TERT: variants seen among roughly 807,000 people sequenced by gnomAD.
TERT encodes telomerase reverse transcriptase, also known as telomerase catalytic subunit.
In TERT, 42 loss-of-function variants were observed where a neutral mutation model predicts 104.0. That is an observed-to-expected ratio of 0.40 (90% CI 0.32 to 0.52). The LOEUF (loss-of-function observed/expected upper bound fraction) is 0.52. Ranked by LOEUF, TERT falls within the 20% of genes least tolerant of loss-of-function variation. The pLI, the probability that TERT is intolerant of heterozygous loss-of-function variation, is 0.43. For missense variants in TERT, 1,101 were observed against 1,610.3 expected (o/e 0.68, Z 5.41); for synonymous variants, 781 against 725.6 (o/e 1.08, Z -1.23).
chr5:1,254,607 A>G, intron 14 of TERT, 102 bp from the exon 15 acceptor site: 1 of 1,408,738 alleles, frequency 7.1e-7, no homozygotes, highest in Non-Finnish European at 9.6e-7. Flanking sequence ...GGGTGGCTCC[A>G]TCTCTGGCTG....
rs1290994735 is a variant in TERT, at chr5:1,270,528, C to T, written c.2468+591G>A. On this transcript the variant is annotated intron_variant, in intron 8 of 15. Coordinates refer to ENST00000310581, the MANE Select transcript of TERT (RefSeq NM_198253.3). This position sits in a 1 kb window ranked among gnomAD's most constrained non-coding sequence, Gnocchi z 8.3. ...TGTGGCTCTACCACCGTGAGTGTGG[C>T]TCACCCAGTGGCTGTGTGACGGCAG... 5.3e-5 allele frequency among the ~76,000 whole-genome samples: 8 copies of T among 152,210 alleles called. No individual in the cohort carries two copies. The highest frequency in any genetic ancestry group is 1.9e-4 in the African/African-American group (8 of 41,458).
At chr5:1,271,912 A>G (rs1749064332) in intron 7 of TERT, among the ~76,000 whole-genome samples, 1 of 152,228 alleles carries the variant, frequency 6.6e-6, no homozygotes, top group Admixed American at 6.5e-5. Flanking sequence ...GGCAGAGAAG[A>G]CATTTAGCAA....
Position 1,294,544 on chromosome 5 carries a change from G to C in TERT, c.342C>G (p.Ala114=). 6.3e-7 allele frequency: 1 copy of C among 1,578,520 alleles called. No individual in the cohort carries two copies. The highest frequency in any genetic ancestry group is 2.3e-5 in the East Asian group (1 of 43,884). The stretch of plus-strand genomic sequence containing the variant: ...GGTAGCTGCGCACGCTGGTGGTGAA[G>C]GCCTCGGGGGGGCCCCCGCGGGCCC... ...LDGARGGPPE[A]FTTSVRSYLP... The change falls in exon 2 of 16, where the codon GCC becomes GCG. Residue 114 remains alanine, a synonymous_variant. Transcript: ENST00000310581.
chr5:1,282,387 C>T, intron 3 of TERT, 42 bp downstream of exon 3: 1 of 1,606,120 alleles, frequency 6.2e-7, no homozygotes. Context: ...GCTGGTGTTC[C>T]AGGACTTCGA....
In TERT at chr5:1,258,116, G is replaced by C. The variant is rs35689290; in HGVS notation, c.3032+482C>G. Among the ~76,000 whole-genome samples, 1,087 of 152,332 alleles carry C rather than the reference G, an allele frequency of 7.1e-3. 17 individuals are homozygous for C. Among genetic ancestry groups the C allele is most frequent in the African/African-American group, 0.024 (1,012 of 41,570 alleles). The stretch of plus-strand genomic sequence containing the variant: ...GCACAGCCATGCCCAGAGCACAGGT[G>C]CTGGCCGGGCTGTGTGGGGAGCCAC... On this transcript the variant is annotated intron_variant, in intron 13 of 15. Transcript: ENST00000310581.
chr5:1,268,608 G>C lies in TERT; in HGVS notation c.2494C>G (p.Pro832Ala). Residue 832 changes from proline to alanine, a missense_variant, in exon 9 of 16, where the codon CCG becomes GCG. Physicochemically the swap from Pro to Ala is conservative, Grantham distance 27. This residue lies in a region of TERT where 463 missense variants were observed against 797.5 expected (regional missense o/e 0.58). Transcript: ENST00000310581. This position sits in a 1 kb window ranked among gnomAD's most constrained non-coding sequence, Gnocchi z 5.5. ...AGCGTGGAGAGGATGGAGCCCTGCGGGATCCCCTGGCACTGGACGTAGGAC... is the reference window on the plus strand; with the variant it reads ...AGCGTGGAGAGGATGGAGCCCTGCGCGATCCCCTGGCACTGGACGTAGGAC... The part of the protein sequence containing the change: ...GKSYVQCQGI[P>A]QGSILSTLLC... The C allele has an allele frequency of 6.2e-7, 1 of 1,613,108 alleles. No individual in the cohort carries two copies. Among genetic ancestry groups the C allele is most frequent in the Non-Finnish European group, 8.5e-7 (1 of 1,179,880 alleles).
chr5:1,280,582 G>A (rs937048775), intron 3 of TERT, among the ~76,000 whole-genome samples: 38 of 152,164 alleles, frequency 2.5e-4, no homozygotes, highest in African/African-American at 8.9e-4. Flanking sequence ...CAGTCCGGCG[G>A]TCAACCCCCA....
At position 1,281,188 on chromosome 5, in the gene TERT, G is replaced by A. The variant is rs115398795; in HGVS notation, c.1770-850C>T. Among the ~76,000 whole-genome samples, 330 of 152,334 alleles carry A rather than the reference G, an allele frequency of 2.2e-3. 1 individual carries two copies. The highest frequency in any genetic ancestry group is 5.5e-3 in the African/African-American group (229 of 41,570). ...ACTGGTCAAATGACCATGTTGGGTC[G>A]CACACCATTAAATACGTGTAAAGTC... On this transcript the variant is annotated intron_variant, in intron 3 of 15. Coordinates refer to ENST00000310581, the MANE Select transcript of TERT (RefSeq NM_198253.3).
chr5:1,294,579 G>A lies in TERT; in HGVS notation c.307C>T (p.Leu103=). 1 of 1,590,194 alleles carries A rather than the reference G, an allele frequency of 6.3e-7. No homozygotes were observed. Residue 103 remains leucine (L), a synonymous_variant, in exon 2 of 16, where the codon CTG becomes TTG. Transcript: ENST00000310581. Reference sequence around the variant, plus strand: ...GGGCCCCCGCGGGCCCCGTCCAGCAGCGCGAAGCCGAAGGCCAGCACGTTC... The same window carrying A: ...GGGCCCCCGCGGGCCCCGTCCAGCAACGCGAAGCCGAAGGCCAGCACGTTC... ...AKNVLAFGFA[L]LDGARGGPPE...
chr5:1,285,762 G>A (rs1750440988), intron 2 of TERT, among the ~76,000 whole-genome samples: 1 of 151,716 alleles, frequency 6.6e-6, no homozygotes, highest in Non-Finnish European at 1.5e-5. Flanking sequence ...TACAGATGGG[G>A]TTTCATCATG....
rs1751031125 is a variant in TERT, at chr5:1,292,124, AAG to A, written c.1573+1187_1573+1188del. On this transcript the variant is annotated intron_variant, in intron 2 of 15. Transcript: ENST00000310581. The surrounding 1 kb of genome is among the most constrained non-coding windows in gnomAD (Gnocchi z 5.5). ...GTTATATGACTTTTGCCACCATAAA[AAG>A]AAAAAAAGAAAAAAAAGAGCCCCAA... Among the ~76,000 whole-genome samples, 1 of 152,112 alleles carries A rather than the reference AAG, an allele frequency of 6.6e-6. No homozygotes were observed. Among genetic ancestry groups the A allele is most frequent in the Non-Finnish European group, 1.5e-5 (1 of 68,006 alleles).
rs1265916198 is a variant in TERT, at chr5:1,270,448, C to T, written c.2468+671G>A. On this transcript the variant is annotated intron_variant, in intron 8 of 15. Coordinates refer to ENST00000310581, the MANE Select transcript of TERT (RefSeq NM_198253.3). The surrounding 1 kb of genome is among the most constrained non-coding windows in gnomAD (Gnocchi z 8.3). ...CACAGGGTCGCAGGCAGATGCCTGC[C>T]GGGAGGTGTGTGGTTTTACTTAAAA... is the stretch of plus-strand genomic sequence containing the variant. Among the ~76,000 whole-genome samples the T allele has an allele frequency of 2.0e-5, 3 of 152,116 alleles. No individual in the cohort carries two copies. Among genetic ancestry groups the T allele is most frequent in the Non-Finnish European group, 4.4e-5 (3 of 68,014 alleles).
intron 2 of TERT, among the ~76,000 whole-genome samples, chr5:1,291,956 G>T (rs1751019652): frequency 1.3e-5 from 2 of 152,234 alleles, no homozygotes; most frequent in African/African-American, 4.8e-5. Flanking sequence ...CTGAGCCGCA[G>T]CAGGTGTGAG....
At chr5:1,289,144 C>T (rs934389958) in intron 2 of TERT, among the ~76,000 whole-genome samples, 5 of 151,334 alleles carry the variant, frequency 3.3e-5, no homozygotes, top group South Asian at 2.1e-4. Flanking sequence ...ACTCACCCTG[C>T]ACCTGAGAGG....
chr5:1,271,079 A>G, intron 8 of TERT, 40 bp downstream of exon 8: 1 of 1,540,416 alleles, frequency 6.5e-7, no homozygotes, highest in Non-Finnish European at 9.0e-7. Context: ...CAGCCCGCCC[A>G]GCCACCCGCA....
rs1216918433 is a variant in TERT, at chr5:1,272,523, T to C, written c.2287-243A>G. ...CCACACATCAGACCCCTGTGACCGATCACCATCCACAGTCACCACATCAGA... is the reference window on the plus strand; with the variant it reads ...CCACACATCAGACCCCTGTGACCGACCACCATCCACAGTCACCACATCAGA... On this transcript the variant is annotated intron_variant, in intron 6 of 15. Transcript: ENST00000310581. Among the ~76,000 whole-genome samples, 650 of 140,760 alleles carry C rather than the reference T, an allele frequency of 4.6e-3. 9 individuals carry two copies. Among genetic ancestry groups the C allele is most frequent in the African/African-American group, 0.018 (616 of 34,276 alleles). The allele number at this position is 140,760 out of a possible 152,430, so 92.3% of individuals were successfully genotyped here.
intron 6 of TERT, among the ~76,000 whole-genome samples, chr5:1,277,998 C>T (rs556681398): frequency 1.2e-3 from 178 of 152,284 alleles, no homozygotes; most frequent in Admixed American, 2.4e-3. Context: ...GAGTGTGTCC[C>T]GGGGAGCGAG....
chr5:1,283,528 C>A (rs560093393), intron 2 of TERT, among the ~76,000 whole-genome samples: 3 of 140,750 alleles, frequency 2.1e-5, no homozygotes, highest in African/African-American at 5.3e-5. Flanking sequence ...CAGGGCCTGG[C>A]GACCTCACCC....
rs1310086042 is a variant in TERT, at chr5:1,254,234, T to A, written c.3295+134A>T. ...GTTTAATCACATAGGGCTGCCAGCG[T>A]GGCTCCAGGCCCCCAGGGTCAGGCC... On this transcript the variant is annotated intron_variant, in intron 15 of 15. Coordinates refer to ENST00000310581, the MANE Select transcript of TERT (RefSeq NM_198253.3). 7 of 1,214,178 alleles carry A rather than the reference T, an allele frequency of 5.8e-6. No homozygotes were observed. The African/African-American group carries it at 9.1e-5, about 16-fold the overall frequency. 75.2% of individuals were successfully genotyped at this position (1,214,178 alleles called of 1,614,324 possible). A position where few individuals can be genotyped will look rare whatever the true frequency, so the allele number is the denominator to read the frequency against.
Sources: allele counts gnomAD v4.1 joint callset (sites outside exome capture counted in the v4.1 genomes callset), GRCh38; gene constraint gnomAD v4.1.1; regional missense constraint gnomAD v4.1.1; non-coding constraint Gnocchi (gnomAD v3.1); transcripts MANE v1.5; gene names NCBI Gene and HGNC (gene_info 2026-07-23, HGNC 2026-07-21).